Variants in RPE65 observed in about 807,000 individuals in gnomAD.
RPE65 encodes the protein retinoid isomerohydrolase RPE65.
RPE65 carries 58 observed loss-of-function variants against 68.5 expected under a neutral mutation model. The ratio of observed to expected loss-of-function variants is 0.85; its 90% CI spans 0.69 to 1.05. The LOEUF is 1.05. RPE65 is among the 50% of genes least tolerant of loss of function. The pLI is 0.00. For missense variants in RPE65, 643 were observed against 629.9 expected, an observed-to-expected ratio of 1.02 and a Z score of -0.22; for synonymous variants, 220 against 222.2, an observed-to-expected ratio of 0.99 and a Z score of 0.09.
chr1:68,431,260 A>G, intron 12 of RPE65, 22 bp downstream of exon 12: 1 of 1,611,430 alleles, frequency 6.2e-7, no homozygotes, highest in Non-Finnish European at 8.5e-7. Flanking sequence ...CTGTTCAAAT[A>G]TTAGTAAGAA....
chr1:68,440,499 C>T (rs1387610154), intron 6 of RPE65, among the ~76,000 whole-genome samples: 1 of 152,074 alleles, frequency 6.6e-6, no homozygotes, highest in South Asian at 2.1e-4. Flanking sequence ...CACATACATG[C>T]TTATTTAATT....
At chr1:68,441,053 C>T in intron 5 of RPE65, 53 bp from the exon 6 acceptor site, 1 of 1,604,780 alleles carries the variant, frequency 6.2e-7, no homozygotes, top group Non-Finnish European at 8.5e-7. Context: ...ATACATTATA[C>T]CTTTGTCCCT....
At chr1:68,438,036 TA>T in intron 10 of RPE65, 150 bp downstream of exon 10, 3 of 918,742 alleles carry the variant, frequency 3.3e-6, no homozygotes, top group Non-Finnish European at 4.9e-6. Flanking sequence ...GTTTCATTTG[TA>T]AAATGAAGGA....
chr1:68,444,696 A>T (rs1406155411), intron 4 of RPE65, 24 bp from the exon 5 acceptor site: 2 of 1,614,186 alleles, frequency 1.2e-6, no homozygotes, highest in East Asian at 4.5e-5. Context: ...TGAATTTTTC[A>T]GTCCAGTAAT....
intron 10 of RPE65, among the ~76,000 whole-genome samples, chr1:68,437,051 T>C (rs1645867627): frequency 6.6e-6 from 1 of 152,212 alleles, no homozygotes; most frequent in East Asian, 1.9e-4. Flanking sequence ...GACTCTCCAC[T>C]TTCCAGTCTG....
At chr1:68,444,380 A>T (rs1645926114) in intron 5 of RPE65, 151 bp downstream of exon 5, 1 of 962,098 alleles carries the variant, frequency 1.0e-6, no homozygotes, top group Non-Finnish European at 1.6e-6. Flanking sequence ...AGACAGAGGC[A>T]ATCAGTGCAG....
In RPE65 at chr1:68,446,815, G is replaced by T; in HGVS notation, c.140C>A (p.Pro47Gln). The T allele has an allele frequency of 6.2e-7, 1 of 1,614,058 alleles. No homozygotes were observed. The highest frequency in any genetic ancestry group is 8.5e-7 in the Non-Finnish European group (1 of 1,180,038). The change falls in exon 3 of 14, where the codon CCA becomes CAA. Residue 47 changes from proline (P) to glutamine (Q), a missense_variant. Transcript: ENST00000262340. The stretch of plus-strand genomic sequence containing the variant: ...CTCAGATCCAACTTCAAAGAGTCCT[G>T]GCCCACATCGAAGGAGACTGCCGGT... ...WLTGSLLRCG[P>Q]GLFEVGSEPF...
At chr1:68,449,784 T>C (rs1645969944) in intron 1 of RPE65, 111 bp downstream of exon 1, 1 of 1,299,244 alleles carries the variant, frequency 7.7e-7, no homozygotes, top group Admixed American at 1.8e-5. Flanking sequence ...AATTCAAGGG[T>C]CTTTCCTAAA....
intron 3 of RPE65, 33 bp from the exon 4 acceptor site, chr1:68,444,916 G>A: frequency 6.3e-7 from 1 of 1,591,442 alleles, no homozygotes; most frequent in Non-Finnish European, 8.6e-7. Flanking sequence ...GAAGAGTATA[G>A]ACAGGAGCAA....
intron 10 of RPE65, among the ~76,000 whole-genome samples, chr1:68,436,468 T>G (rs1297273092): frequency 6.6e-6 from 1 of 151,454 alleles, no homozygotes; most frequent in Non-Finnish European, 1.5e-5. Flanking sequence ...ATTTATTTAT[T>G]TATTTATTTA....
chr1:68,440,619 T>C (rs1442756309), intron 6 of RPE65, among the ~76,000 whole-genome samples: 1 of 152,242 alleles, frequency 6.6e-6, no homozygotes, highest in Non-Finnish European at 1.5e-5. Context: ...TTTAATATTC[T>C]AGAAGAGAAC....
chr1:68,432,810 C>A (rs1460241276), intron 10 of RPE65, among the ~76,000 whole-genome samples: 2 of 152,132 alleles, frequency 1.3e-5, no homozygotes, highest in African/African-American at 2.4e-5. Context: ...TCAGGGAAAC[C>A]AGTTTGTCTT....
chr1:68,430,066 T>A, intron 13 of RPE65, 139 bp from the exon 14 acceptor site: 1 of 1,084,520 alleles, frequency 9.2e-7, no homozygotes, highest in Non-Finnish European at 1.3e-6. Flanking sequence ...TTCTGACTCT[T>A]GTACCACCTG....
rs1412762376 is a variant in RPE65 at position 68,429,480 on chromosome 1, T to C, written c.*296A>G. The C allele has an allele frequency of 3.9e-5, 15 of 382,822 alleles. No individual in the cohort carries two copies. The highest frequency in any genetic ancestry group is 5.8e-5 in the Non-Finnish European group (12 of 205,230). The allele number at this position is 382,822 out of a possible 1,614,324, so 23.7% of individuals were successfully genotyped here. ...TAAAATATGCTCTTATAATAGGAAT[T>C]AAAAGCCATTTAGTAAGTCCACATT... On this transcript the variant is annotated 3_prime_UTR_variant, in exon 14 of 14. Coordinates refer to ENST00000262340, the MANE Select transcript of RPE65 (RefSeq NM_000329.3).
At chr1:68,430,059 T>C in intron 13 of RPE65, 132 bp from the exon 14 acceptor site, 1 of 1,184,816 alleles carries the variant, frequency 8.4e-7, no homozygotes, top group Non-Finnish European at 1.2e-6. Flanking sequence ...CTTCTTTTTC[T>C]GACTCTTGTA....
At chr1:68,433,313 A>G (rs1645839264) in intron 10 of RPE65, among the ~76,000 whole-genome samples, 2 of 152,170 alleles carry the variant, frequency 1.3e-5, no homozygotes, top group Admixed American at 1.3e-4. Flanking sequence ...GGATTTTGTA[A>G]GAGCCTGACA....
At chr1:68,439,454 T>A in intron 7 of RPE65, 107 bp downstream of exon 7, 1 of 1,553,674 alleles carries the variant, frequency 6.4e-7, no homozygotes, top group Non-Finnish European at 8.8e-7. Context: ...TGTTTAAATT[T>A]AGTTTTCTGC....
intron 5 of RPE65, among the ~76,000 whole-genome samples, chr1:68,442,039 G>T (rs1048046738): frequency 6.6e-6 from 1 of 152,156 alleles, no homozygotes; most frequent in African/African-American, 2.4e-5. Flanking sequence ...TTCAAATTCA[G>T]CTCCTCAGTC....
At chr1:68,442,646 G>T (rs1254528784) in intron 5 of RPE65, among the ~76,000 whole-genome samples, 1 of 152,190 alleles carries the variant, frequency 6.6e-6, no homozygotes, top group South Asian at 2.1e-4. Context: ...TACAGTGCTA[G>T]TAACAGTGGA....
Sources: allele counts gnomAD v4.1 joint callset (sites outside exome capture counted in the v4.1 genomes callset), GRCh38; gene constraint gnomAD v4.1.1; transcripts MANE v1.5; gene names NCBI Gene and HGNC (gene_info 2026-07-23, HGNC 2026-07-21).